The following MYOM2 variants were observed in gnomAD, a reference collection of about 807,000 sequenced individuals.
MYOM2 encodes myomesin-2.
In MYOM2, 254 loss-of-function variants were observed where a neutral mutation model predicts 187.6. That is an observed-to-expected ratio of 1.35 (90% CI 1.22 to 1.50). The LOEUF is 1.50. Among genes scored for constraint, MYOM2 ranks in the 40% most tolerant of loss-of-function variants. MYOM2 has a pLI of 0.00. For missense variants in MYOM2, 2,796 were observed against 1,924.0 expected (o/e 1.45, Z -8.48); for synonymous variants, 981 against 753.8 (o/e 1.30, Z -4.94).
chr8:2,116,379 A>C, intron 27 of MYOM2, 104 bp downstream of exon 27: 1 of 1,132,848 alleles, frequency 8.8e-7, no homozygotes, highest in East Asian at 2.6e-5. Flanking sequence ...GCAACCCTAA[A>C]GGCTGTTTTA....
At chr8:2,073,772 T>A (rs995362546) in intron 10 of MYOM2, among the ~76,000 whole-genome samples, 2 of 152,212 alleles carry the variant, frequency 1.3e-5, no homozygotes, top group African/African-American at 4.8e-5. Flanking sequence ...GTCATTAGCA[T>A]TTGAAAAACG....
chr8:2,072,316 C>G, intron 8 of MYOM2, 29 bp from the exon 9 acceptor site: 1 of 1,597,244 alleles, frequency 6.3e-7, no homozygotes, highest in South Asian at 1.1e-5. Context: ...TGCCCTTCGG[C>G]CCTGAAAGCC....
intron 6 of MYOM2, among the ~76,000 whole-genome samples, chr8:2,063,211 A>G (rs1818907475): frequency 6.6e-6 from 1 of 152,244 alleles, no homozygotes; most frequent in Non-Finnish European, 1.5e-5. Context: ...TCAGCTGTTC[A>G]TACCAAACTG....
intron 13 of MYOM2, among the ~76,000 whole-genome samples, chr8:2,080,257 C>T (rs1228904928): frequency 2.0e-5 from 3 of 152,222 alleles, no homozygotes; most frequent in Non-Finnish European, 4.4e-5. Flanking sequence ...TGTGGAGCCA[C>T]TGGCTAGAGA....
chr8:2,051,340 G>T (rs1450423320), intron 2 of MYOM2, among the ~76,000 whole-genome samples: 1 of 152,080 alleles, frequency 6.6e-6, no homozygotes, highest in Non-Finnish European at 1.5e-5. Context: ...CTGCCTCTGG[G>T]GCTGGTGTGC....
At chr8:2,110,878 T>A (rs1797047261) in intron 25 of MYOM2, among the ~76,000 whole-genome samples, 2 of 152,210 alleles carry the variant, frequency 1.3e-5, no homozygotes, top group Admixed American at 1.3e-4. Flanking sequence ...TCTTCTCCAG[T>A]CAGTCTTTCC....
chr8:2,057,518 G>A, intron 4 of MYOM2, 32 bp downstream of exon 4: 10 of 1,613,604 alleles, frequency 6.2e-6, no homozygotes, highest in South Asian at 1.1e-5. Flanking sequence ...TGGGTGTCTG[G>A]GAAGCGTGGA....
At chr8:2,054,383 C>T (rs575416471) in intron 3 of MYOM2, among the ~76,000 whole-genome samples, 1 of 152,308 alleles carries the variant, frequency 6.6e-6, no homozygotes, top group East Asian at 1.9e-4. Context: ...TGACATCTTC[C>T]TTCAGTCCCA....
At chr8:2,135,364 C>A (rs1376835985) in intron 32 of MYOM2, among the ~76,000 whole-genome samples, 1 of 152,096 alleles carries the variant, frequency 6.6e-6, no homozygotes, top group Admixed American at 6.5e-5. Context: ...TAGTTATGTT[C>A]ATTTGTTACT....
intron 32 of MYOM2, among the ~76,000 whole-genome samples, chr8:2,133,606 A>G (rs781449264): frequency 1.1e-4 from 16 of 151,714 alleles, no homozygotes; most frequent in Non-Finnish European, 2.1e-4. Flanking sequence ...GTTTACAGGC[A>G]TGCGCCACCA....
intron 17 of MYOM2, 138 bp from the exon 18 acceptor site, chr8:2,096,109 A>C: frequency 4.0e-6 from 3 of 746,724 alleles, no homozygotes; most frequent in Non-Finnish European, 4.5e-6. Flanking sequence ...GTGTGGGTTG[A>C]GAGGGATCAG....
At chr8:2,128,891 T>C (rs967019570) in intron 31 of MYOM2, among the ~76,000 whole-genome samples, 1 of 152,222 alleles carries the variant, frequency 6.6e-6, no homozygotes, top group African/African-American at 2.4e-5. Flanking sequence ...TTCTATATCT[T>C]TTACAGTATT....
chr8:2,135,323 G>A (rs73657754), intron 32 of MYOM2, among the ~76,000 whole-genome samples: 19,812 of 151,938 alleles, frequency 0.13, 2,205 homozygotes, highest in African/African-American at 0.28. Context: ...ATGTCTTTAC[G>A]TTCTGGGTGG....
rs149568987 is a variant in MYOM2, at chr8:2,116,273, A to G, written c.3383A>G (p.Gln1128Arg). The G allele has an allele frequency of 5.1e-4, 824 of 1,612,702 alleles. 2 individuals are homozygous for G. The highest frequency in any genetic ancestry group is 6.2e-4 in the Non-Finnish European group (735 of 1,179,186). Residue 1128 changes from glutamine to arginine, a missense_variant and splice_region_variant, in exon 27 of 37, where the codon CAA becomes CGA. Transcript: ENST00000262113. ...CAAAGGAAAGAATTTCTCAGGAAAC[A>G]AGGTGAGTTTCCTCACTCTGACCGG... ...EFQRKEFLRK[Q>R]GPHFAEYLHW...
intron 6 of MYOM2, among the ~76,000 whole-genome samples, chr8:2,067,632 G>A (rs1224175869): frequency 6.6e-6 from 1 of 152,176 alleles, no homozygotes; most frequent in African/African-American, 2.4e-5. Flanking sequence ...CTGGTGGGAA[G>A]ACAGTTCACA....
intron 13 of MYOM2, among the ~76,000 whole-genome samples, chr8:2,080,440 C>T (rs534573869): frequency 6.6e-6 from 1 of 152,324 alleles, no homozygotes; most frequent in African/African-American, 2.4e-5. Flanking sequence ...GATCTCAAAA[C>T]AAATGTATGT....
intron 30 of MYOM2, 48 bp from the exon 31 acceptor site, chr8:2,124,131 C>T (rs756605939): frequency 1.2e-5 from 19 of 1,556,446 alleles, no homozygotes; most frequent in Admixed American, 5.5e-5. Context: ...ATGCTGCTTT[C>T]GGTTAAAGTT....
chr8:2,123,589 C>A lies in MYOM2; in HGVS notation c.3602C>A (p.Thr1201Asn), dbSNP rs770377385. The A allele has an allele frequency of 8.1e-6, 13 of 1,614,130 alleles. No homozygotes were observed. Among genetic ancestry groups the A allele is most frequent in the Non-Finnish European group, 1.0e-5 (12 of 1,180,010 alleles). ...AAGGACCACGGTGAATACAAGGCAA[C>A]CTTGAAAGATGACAGAGGCCAAGAT... ...SKKDHGEYKA[T>N]LKDDRGQDVS... Residue 1201 changes from threonine (T) to asparagine (N), a missense_variant, in exon 30 of 37, where the codon ACC (threonine) becomes AAC (asparagine). By Grantham distance (65) the Thr-to-Asn change is moderately conservative (BLOSUM62 0). Transcript: ENST00000262113.
intron 32 of MYOM2, among the ~76,000 whole-genome samples, chr8:2,134,063 T>TCCACCCTCTTCCCC (rs1797971529): frequency 2.0e-5 from 3 of 151,892 alleles, no homozygotes; most frequent in African/African-American, 7.3e-5. Context: ...TGTACCCACC[T>TCCACCCTCTTCCCC]TATAACCATC....
Sources: allele counts gnomAD v4.1 joint callset (sites outside exome capture counted in the v4.1 genomes callset), GRCh38; gene constraint gnomAD v4.1.1; transcripts MANE v1.5; gene names NCBI Gene and HGNC (gene_info 2026-07-23, HGNC 2026-07-21).